The following GPC6 variants were observed in gnomAD, a reference collection of about 807,000 sequenced individuals.
GPC6 encodes the protein glypican 6, also known as glypican-6.
Under a neutral mutation model 55.2 loss-of-function variants are expected in GPC6, and 14 were observed. The ratio of observed to expected loss-of-function variants is 0.25; its 90% CI spans 0.17 to 0.40. The LOEUF is 0.40. Ranked by LOEUF, GPC6 falls within the 10% of genes least tolerant of loss-of-function variation. The pLI is 1.00. For synonymous variants in GPC6, 278 were observed against 259.6 expected (o/e 1.07, Z -0.68); for missense variants, 641 against 708.5 (o/e 0.90, Z 1.08).
At chr13:94,338,338 A>G (rs1877834820) in intron 6 of GPC6, among the ~76,000 whole-genome samples, 1 of 152,184 alleles carries the variant, frequency 6.6e-6, no homozygotes, top group African/African-American at 2.4e-5. Context: ...CAGAGAACCC[A>G]CTGCTTCAGG....
intron 6 of GPC6, among the ~76,000 whole-genome samples, chr13:94,355,001 G>A (rs1878721698): frequency 6.6e-6 from 1 of 150,922 alleles, no homozygotes; most frequent in Non-Finnish European, 1.5e-5. Context: ...TGTCCATGTG[G>A]CATGATGCCA....
chr13:93,658,666 C>G (rs1880791041), intron 2 of GPC6, among the ~76,000 whole-genome samples: 1 of 151,654 alleles, frequency 6.6e-6, no homozygotes, highest in African/African-American at 2.4e-5. Context: ...TAGATAAGCT[C>G]TACCTTACAA....
At chr13:94,116,562 T>A (rs1886436605) in intron 4 of GPC6, among the ~76,000 whole-genome samples, 1 of 152,106 alleles carries the variant, frequency 6.6e-6, no homozygotes, top group African/African-American at 2.4e-5. Context: ...TTGGTTTCTT[T>A]CCTGTCATAT....
intron 1 of GPC6, among the ~76,000 whole-genome samples, chr13:93,477,810 T>C (rs1879354853): frequency 6.6e-6 from 1 of 152,214 alleles, no homozygotes; most frequent in African/African-American, 2.4e-5. Context: ...AATTACTGCT[T>C]CCTTAACTAT....
In GPC6 at chr13:94,196,010, A is replaced by G. The variant is rs181536131; in HGVS notation, c.878-90339A>G. On this transcript the variant is annotated intron_variant, in intron 4 of 8. Coordinates refer to ENST00000377047, the MANE Select transcript of GPC6 (RefSeq NM_005708.5). ...AGTGTGCTGGGAGCATCTTGGGGCT[A>G]TGAGAACAAATTTCTCTTTGATAAT... Among the ~76,000 whole-genome samples the G allele has an allele frequency of 2.5e-3, 375 of 152,326 alleles. 4 individuals are homozygous for G. The highest frequency in any genetic ancestry group is 2.6e-4 in the Non-Finnish European group (18 of 68,026).
At chr13:93,342,577 G>A (rs1318781531) in intron 1 of GPC6, among the ~76,000 whole-genome samples, 1 of 152,180 alleles carries the variant, frequency 6.6e-6, no homozygotes, top group Non-Finnish European at 1.5e-5. Context: ...TACCATTCAA[G>A]ATGAGACTTG....
intron 3 of GPC6, among the ~76,000 whole-genome samples, chr13:93,969,625 A>G: frequency 6.6e-6 from 1 of 152,162 alleles, no homozygotes; most frequent in East Asian, 1.9e-4. Flanking sequence ...AGATTGAGGT[A>G]AGATATACAT....
chr13:93,782,129 T>G (rs1475917580), intron 2 of GPC6, among the ~76,000 whole-genome samples: 2 of 152,142 alleles, frequency 1.3e-5, no homozygotes, highest in African/African-American at 4.8e-5. Flanking sequence ...CTGCACTCTC[T>G]GCTTGTGGGT....
chr13:93,844,431 C>A (rs539298739), intron 3 of GPC6, among the ~76,000 whole-genome samples: 12 of 152,304 alleles, frequency 7.9e-5, no homozygotes, highest in African/African-American at 2.4e-4. Context: ...GCCATCACGC[C>A]TGGCCGGTAA....
intron 6 of GPC6, among the ~76,000 whole-genome samples, chr13:94,339,780 T>TTTTTTTTTA (rs1877931990): frequency 2.4e-5 from 3 of 125,704 alleles, no homozygotes; most frequent in Admixed American, 8.4e-5. Flanking sequence ...TTTTTTTTTT[T>TTTTTTTTTA]GAGACAGAGT....
intron 3 of GPC6, among the ~76,000 whole-genome samples, chr13:93,914,249 A>G (rs893927037): frequency 6.6e-6 from 1 of 150,768 alleles, no homozygotes; most frequent in African/African-American, 2.4e-5. Context: ...CCGGTGTGTG[A>G]TGTTCCCCTT....
intron 2 of GPC6, among the ~76,000 whole-genome samples, chr13:93,790,954 T>C (rs994010410): frequency 3.9e-5 from 6 of 152,092 alleles, no homozygotes; most frequent in Non-Finnish European, 7.4e-5. Flanking sequence ...AAGAATAAAA[T>C]ACTTTAACTG....
chr13:93,354,675 G>T (rs996154747), intron 1 of GPC6, among the ~76,000 whole-genome samples: 7 of 147,994 alleles, frequency 4.7e-5, no homozygotes, highest in African/African-American at 1.5e-4. Context: ...TCTGTTGGTA[G>T]ATTTAAGGTA....
rs148868720 is a variant in GPC6 at position 93,946,459 on chromosome 13, TA to T, written c.712-81268del. Among the ~76,000 whole-genome samples the T allele has an allele frequency of 6.9e-3, 1,044 of 152,306 alleles. 13 individuals are homozygous for T. The highest frequency in any genetic ancestry group is 0.024 in the African/African-American group (1,000 of 41,546). ...AACTTTATTTTTAATATGACTTACT[TA>T]ATTCAAAATTTACCTAATTTTAAAT... On this transcript the variant is annotated intron_variant, in intron 3 of 8. Coordinates refer to ENST00000377047, the MANE Select transcript of GPC6 (RefSeq NM_005708.5).
chr13:93,954,868 C>T (rs1342710079), intron 3 of GPC6, among the ~76,000 whole-genome samples: 3 of 152,168 alleles, frequency 2.0e-5, no homozygotes, highest in African/African-American at 7.2e-5. Context: ...CAACCAAAGG[C>T]CATCTCCTTT....
intron 4 of GPC6, among the ~76,000 whole-genome samples, chr13:94,042,543 C>G (rs1213901850): frequency 6.6e-6 from 1 of 151,810 alleles, no homozygotes; most frequent in African/African-American, 2.4e-5. Flanking sequence ...GTGACACTTT[C>G]TCCACTTTCC....
chr13:93,552,323 C>T (rs749282696), intron 2 of GPC6, among the ~76,000 whole-genome samples: 2 of 152,128 alleles, frequency 1.3e-5, no homozygotes, highest in African/African-American at 2.4e-5. Flanking sequence ...AAATCACAAA[C>T]GCCTTTCAAG....
intron 1 of GPC6, among the ~76,000 whole-genome samples, chr13:93,515,711 TGAC>T (rs1881163945): frequency 6.6e-6 from 1 of 152,226 alleles, no homozygotes; most frequent in African/African-American, 2.4e-5. Flanking sequence ...TTTTAAATAC[TGAC>T]TAGTGACGTA....
chr13:93,587,634 G>T (rs1877267449), intron 2 of GPC6, among the ~76,000 whole-genome samples: 1 of 152,040 alleles, frequency 6.6e-6, no homozygotes, highest in Non-Finnish European at 1.5e-5. Context: ...TTCATGGGAA[G>T]ATTTTTAGGC....
Sources: gnomAD v4.1 joint callset for allele counts (sites outside exome capture counted in the v4.1 genomes callset) on GRCh38, gnomAD v4.1.1 for gene constraint, MANE v1.5 for transcripts, NCBI Gene and HGNC (gene_info 2026-07-23, HGNC 2026-07-21) for gene names.